CEP162: variants seen among roughly 807,000 people sequenced by gnomAD.
CEP162 encodes centrosomal protein 162.
Under a neutral mutation model 169.2 loss-of-function variants are expected in CEP162, and 141 were observed. The ratio of observed to expected loss-of-function variants is 0.83; its 90% CI spans 0.73 to 0.96. The LOEUF (loss-of-function observed/expected upper bound fraction) is 0.96. Ranked by LOEUF, CEP162 falls within the 40% of genes least tolerant of loss-of-function variation. The pLI, the probability that CEP162 is intolerant of heterozygous loss-of-function variation, is 0.00. For missense variants in CEP162, 1,600 were observed against 1,587.2 expected (o/e 1.01, Z -0.14); for synonymous variants, 540 against 526.4 (o/e 1.03, Z -0.35).
intron 22 of CEP162, among the ~76,000 whole-genome samples, chr6:84,153,618 G>A (rs563376431): frequency 3.3e-5 from 5 of 152,108 alleles, no homozygotes; most frequent in Non-Finnish European, 7.4e-5. Context: ...TTCATAGAGA[G>A]TAAAATGGCC....
chr6:84,136,946 T>TTTC (rs2099514378), intron 25 of CEP162, among the ~76,000 whole-genome samples: 1 of 152,194 alleles, frequency 6.6e-6, no homozygotes, highest in Admixed American at 6.5e-5. Context: ...TGAACTGAAA[T>TTTC]ACTTCATAGG....
At chr6:84,179,565 G>GC (rs2099533879) in intron 13 of CEP162, among the ~76,000 whole-genome samples, 1 of 151,752 alleles carries the variant, frequency 6.6e-6, no homozygotes, top group Admixed American at 6.6e-5. Flanking sequence ...CTGGATATTA[G>GC]CCCTTTGTCA....
intron 14 of CEP162, 66 bp downstream of exon 14, chr6:84,175,144 TTATA>T: frequency 9.5e-7 from 1 of 1,049,540 alleles, no homozygotes; most frequent in Non-Finnish European, 1.3e-6. Context: ...TTATATTTTG[TTATA>T]TATAATTTAG....
intron 24 of CEP162, among the ~76,000 whole-genome samples, chr6:84,149,248 A>G (rs1048534602): frequency 6.6e-6 from 1 of 152,162 alleles, no homozygotes; most frequent in Admixed American, 6.6e-5. Flanking sequence ...TAATCATGTT[A>G]GACATATACC....
chr6:84,168,054 C>A (rs1331380998), intron 18 of CEP162, among the ~76,000 whole-genome samples: 1 of 151,940 alleles, frequency 6.6e-6, no homozygotes, highest in Non-Finnish European at 1.5e-5. Flanking sequence ...TTTTTTTTCC[C>A]AGTATCTTTT....
intron 6 of CEP162, among the ~76,000 whole-genome samples, chr6:84,208,043 T>C (rs1309025157): frequency 4.0e-5 from 6 of 150,036 alleles, no homozygotes. Context: ...TTTTTGTCTC[T>C]ACAGGTATCT....
chr6:84,196,793 A>G (rs755310752), intron 9 of CEP162, among the ~76,000 whole-genome samples: 2 of 152,180 alleles, frequency 1.3e-5, no homozygotes, highest in Non-Finnish European at 2.9e-5. Flanking sequence ...ATAAGATTGT[A>G]TAAGAATGCC....
In CEP162 at chr6:84,215,470, A is replaced by T; in HGVS notation, c.320-5T>A. On this transcript the variant is annotated splice_polypyrimidine_tract_variant and splice_region_variant and intron_variant, in intron 4 of 26. Coordinates refer to ENST00000403245, the MANE Select transcript of CEP162 (RefSeq NM_014895.4). Reference sequence around the variant, plus strand: ...TGAGCTCAGAAACTACTAGTTCTAAATGGAAAGCACAAATATATTTTAGTA... The same window carrying T: ...TGAGCTCAGAAACTACTAGTTCTAATTGGAAAGCACAAATATATTTTAGTA... 1 of 1,555,546 alleles carries T rather than the reference A, an allele frequency of 6.4e-7. No homozygotes were observed. The highest frequency in any genetic ancestry group is 8.7e-7 in the Non-Finnish European group (1 of 1,153,826).
intron 25 of CEP162, among the ~76,000 whole-genome samples, chr6:84,135,154 C>G (rs2099513444): frequency 6.6e-6 from 1 of 152,062 alleles, no homozygotes; most frequent in Non-Finnish European, 1.5e-5. Flanking sequence ...TTTATACCTT[C>G]TAATTGCTAA....
rs1349159610 is a variant in CEP162, at chr6:84,124,713, C to A, written c.*357G>T. The A allele has an allele frequency of 1.1e-5, 3 of 278,822 alleles. No homozygotes were observed. The highest frequency in any genetic ancestry group is 5.5e-5 in the Admixed American group (1 of 18,124). 17.3% of individuals were successfully genotyped at this position (278,822 alleles called of 1,614,324 possible). On this transcript the variant is annotated 3_prime_UTR_variant, in exon 27 of 27. Transcript: ENST00000403245. The stretch of plus-strand genomic sequence containing the variant: ...ACCCATGTTACAACAAGCACATGTA[C>A]CCCCTGGATCTAAAATAAAAATTTT...
chr6:84,193,780 G>A (rs571690312), intron 10 of CEP162, 90 bp from the exon 11 acceptor site: 2 of 683,896 alleles, frequency 2.9e-6, no homozygotes, highest in Non-Finnish European at 4.8e-6. Flanking sequence ...TATTTTCTCT[G>A]ACACAGTTAA....
chr6:84,143,973 CT>C (rs1404220260), intron 25 of CEP162, among the ~76,000 whole-genome samples: 3 of 151,812 alleles, frequency 2.0e-5, no homozygotes, highest in Admixed American at 6.6e-5. Flanking sequence ...CTGTATTTGC[CT>C]TTAGAATCTT....
chr6:84,218,304 C>T (rs1015500564), intron 3 of CEP162, among the ~76,000 whole-genome samples: 2 of 152,046 alleles, frequency 1.3e-5, no homozygotes, highest in Non-Finnish European at 2.9e-5. Context: ...GAGGCTGGAC[C>T]CAGATGGTGA....
In CEP162 at chr6:84,200,903, C is replaced by A; in HGVS notation, c.721G>T (p.Val241Leu). ...ACAGAGTCTAATGAATCAAGCAGCA[C>A]AACTGGAAGAATATAAAAGAAAAAT... is the stretch of plus-strand genomic sequence containing the variant. ...EEKTGMLANV[V>L]LLDSLDSVAE... is the part of the protein sequence containing the mutation. Residue 241 changes from valine to leucine, a missense_variant and splice_region_variant, in exon 9 of 27, where the codon GTG (valine) becomes TTG (leucine). Coordinates refer to ENST00000403245, the MANE Select transcript of CEP162 (RefSeq NM_014895.4). The A allele has an allele frequency of 6.4e-7, 1 of 1,566,546 alleles. No homozygotes were observed. The highest frequency in any genetic ancestry group is 8.8e-7 in the Non-Finnish European group (1 of 1,139,360).
chr6:84,200,701 T>TTA (rs2099544095), intron 9 of CEP162, 88 bp downstream of exon 9: 8 of 535,450 alleles, frequency 1.5e-5, no homozygotes, highest in East Asian at 3.1e-5. Context: ...AATATAGTTA[T>TTA]TATATATATA....
In CEP162 at chr6:84,124,423, G is replaced by GC. The variant is rs1374233810; in HGVS notation, c.*646dup. The GC allele has an allele frequency of 6.6e-6, 1 of 152,206 alleles. No individual in the cohort carries two copies. Among genetic ancestry groups the GC allele is most frequent in the Non-Finnish European group, 1.5e-5 (1 of 68,100 alleles). The allele number at this position is 152,206 out of a possible 1,614,324, so 9.4% of individuals were successfully genotyped here. A position where few individuals can be genotyped will look rare whatever the true frequency, so the allele number is the denominator to read the frequency against. ...AAAGAATGAAATCATGTCATTTGCAGCAACATGGATAGAGCTGGAGGCCAT... is the reference window on the plus strand; with the variant it reads ...AAAGAATGAAATCATGTCATTTGCAGCCAACATGGATAGAGCTGGAGGCCAT... On this transcript the variant is annotated 3_prime_UTR_variant, in exon 27 of 27. Coordinates refer to ENST00000403245, the MANE Select transcript of CEP162 (RefSeq NM_014895.4).
chr6:84,211,282 A>C (rs1228489920), intron 6 of CEP162, among the ~76,000 whole-genome samples: 3 of 151,880 alleles, frequency 2.0e-5, no homozygotes, highest in Non-Finnish European at 4.4e-5. Context: ...TAATCCCAGC[A>C]CTTTGGGAGG....
At chr6:84,174,296 A>ATG in intron 15 of CEP162, 108 bp from the exon 16 acceptor site, 1 of 873,600 alleles carries the variant, frequency 1.1e-6, no homozygotes, top group Non-Finnish European at 1.7e-6. Context: ...GTCTTATAAT[A>ATG]TTGAACATAT....
rs930253044 is a variant in CEP162, at chr6:84,134,929, C to T, written c.3871-8417G>A. Among the ~76,000 whole-genome samples, 54 of 149,056 alleles carry T rather than the reference C, an allele frequency of 3.6e-4. 1 individual carries two copies. The highest frequency in any genetic ancestry group is 1.4e-3 in the African/African-American group (54 of 39,480). On this transcript the variant is annotated intron_variant, in intron 25 of 26. Coordinates refer to ENST00000403245, the MANE Select transcript of CEP162 (RefSeq NM_014895.4). ...TGAAAAGATCATATATACACACACA[C>T]ACACACACACACACACACACACACA...
Sources: gnomAD v4.1 joint callset for allele counts (sites outside exome capture counted in the v4.1 genomes callset) on GRCh38, gnomAD v4.1.1 for gene constraint, MANE v1.5 for transcripts, NCBI Gene and HGNC (gene_info 2026-07-23, HGNC 2026-07-21) for gene names.